WDFY4: variants seen among roughly 807,000 people sequenced by gnomAD.
WDFY4 encodes the protein WDFY family member 4, also known as WD repeat- and FYVE domain-containing protein 4.
A neutral mutation model predicts 351.9 loss-of-function variants in WDFY4; 169 were observed. The ratio of observed to expected loss-of-function variants is 0.48; its 90% CI spans 0.42 to 0.55. The LOEUF (loss-of-function observed/expected upper bound fraction) is 0.55. WDFY4 is among the 20% of genes least tolerant of loss of function. The pLI is 0.00. For synonymous variants in WDFY4, 1,622 were observed against 1,574.6 expected (o/e 1.03, Z -0.71); for missense variants, 3,803 against 3,935.6 (o/e 0.97, Z 0.90).
Position 48,807,865 on chromosome 10 carries a change from G to C in WDFY4, c.4745G>C (p.Ser1582Thr). The change falls in exon 28 of 62, where the codon AGC (serine) becomes ACC (threonine). Residue 1582 changes from serine (S) to threonine (T), a missense_variant. Ser to Thr is a moderately conservative substitution (Grantham distance 58). This residue lies in a region of WDFY4 where 3,054 missense variants were observed against 3,148.6 expected (regional missense o/e 0.97). Coordinates refer to ENST00000325239, the MANE Select transcript of WDFY4 (RefSeq NM_001394531.1). ...TCTGAATTCTTTTTTGTAGCTGGAA[G>C]CCAAACATCTGGAAAGACAATCTGG... ...GALDPSLPAG[S>T]QTSGKTIWLR... 6.4e-7 allele frequency: 1 copy of C among 1,551,512 alleles called. No individual in the cohort carries two copies. Among genetic ancestry groups the C allele is most frequent in the Non-Finnish European group, 8.7e-7 (1 of 1,146,942 alleles).
chr10:48,852,355 A>G (rs2068984255), intron 39 of WDFY4, among the ~76,000 whole-genome samples: 2 of 152,230 alleles, frequency 1.3e-5, no homozygotes, highest in Non-Finnish European at 2.9e-5. Context: ...AAATGATAGT[A>G]ATCATATAAA....
chr10:48,897,192 G>A (rs1168364601), intron 44 of WDFY4, among the ~76,000 whole-genome samples: 1 of 152,222 alleles, frequency 6.6e-6, no homozygotes, highest in East Asian at 1.9e-4. Context: ...GCCTGGTGAG[G>A]CTGGCACCCC....
intron 40 of WDFY4, among the ~76,000 whole-genome samples, chr10:48,869,923 G>T (rs564618866): frequency 6.6e-6 from 1 of 152,270 alleles, no homozygotes; most frequent in East Asian, 1.9e-4. Flanking sequence ...ACTCAACTCA[G>T]ACTGCCTTAG....
intron 1 of WDFY4, among the ~76,000 whole-genome samples, chr10:48,703,803 A>G (rs2063546234): frequency 6.6e-6 from 1 of 152,160 alleles, no homozygotes; most frequent in African/African-American, 2.4e-5. Flanking sequence ...GTTACCCTTC[A>G]TTGGGGCCGC....
intron 54 of WDFY4, among the ~76,000 whole-genome samples, chr10:48,965,582 G>T (rs1022143844): frequency 2.0e-5 from 3 of 152,158 alleles, no homozygotes; most frequent in Non-Finnish European, 4.4e-5. Context: ...CACCCCAGCT[G>T]CCCATCGAAC....
At chr10:48,704,556 A>G (rs1368039439) in intron 1 of WDFY4, among the ~76,000 whole-genome samples, 1 of 152,158 alleles carries the variant, frequency 6.6e-6, no homozygotes, top group Non-Finnish European at 1.5e-5. Flanking sequence ...CACCTGTCCA[A>G]GAACCTTTCC....
chr10:48,701,097 C>T (rs974036523), intron 1 of WDFY4, among the ~76,000 whole-genome samples: 6 of 152,202 alleles, frequency 3.9e-5, no homozygotes, highest in African/African-American at 1.4e-4. Flanking sequence ...ACCCCTCTCC[C>T]CAGTCTCTGG....
At chr10:48,955,632 C>A (rs969976724) in intron 51 of WDFY4, among the ~76,000 whole-genome samples, 1 of 152,256 alleles carries the variant, frequency 6.6e-6, no homozygotes, top group African/African-American at 2.4e-5. Flanking sequence ...TGAGGAGCCT[C>A]CTTTTTCTGG....
intron 12 of WDFY4, chr10:48,746,028 C>T (rs1003440954): frequency 3.6e-5 from 6 of 168,956 alleles, no homozygotes; most frequent in African/African-American, 1.2e-4. Flanking sequence ...TCTCGCAGCG[C>T]ACCACCACCT....
intron 2 of WDFY4, among the ~76,000 whole-genome samples, chr10:48,713,056 T>C (rs1222983841): frequency 6.6e-6 from 1 of 152,208 alleles, no homozygotes; most frequent in Non-Finnish European, 1.5e-5. Flanking sequence ...TCCAAAGCAA[T>C]GCACACAAGG....
chr10:48,880,199 G>A (rs2620877), intron 43 of WDFY4, among the ~76,000 whole-genome samples: 9,577 of 152,244 alleles, frequency 0.063, 663 homozygotes, highest in African/African-American at 0.18. Flanking sequence ...CCCTGGCTAG[G>A]CTGAAGTTTA....
Position 48,820,347 on chromosome 10 carries a change from G to C in WDFY4, c.5619G>C (p.Lys1873Asn), listed in dbSNP as rs757545015. The change falls in exon 33 of 62, where the codon AAG (lysine) becomes AAC (asparagine). Residue 1873 changes from lysine (K) to asparagine (N), a missense_variant. Physicochemically the swap from Lys to Asn is moderately conservative, Grantham distance 94. This residue lies in a region of WDFY4 where 3,054 missense variants were observed against 3,148.6 expected (regional missense o/e 0.97). Coordinates refer to ENST00000325239, the MANE Select transcript of WDFY4 (RefSeq NM_001394531.1). ...CCAAGGCACATCCCGCCCGGAGGAA[G>C]CTGAGGGAGTTCACGCAGCTCCTCT... ...APTKAHPARR[K>N]LREFTQLLLR... is the part of the protein sequence containing the mutation. 1 of 1,551,540 alleles carries C rather than the reference G, an allele frequency of 6.4e-7. No individual in the cohort carries two copies.
Position 48,725,809 on chromosome 10 carries a change from G to A in WDFY4, c.592-72G>A, listed in dbSNP as rs962273947. 5 of 1,412,138 alleles carry A rather than the reference G, an allele frequency of 3.5e-6. No homozygotes were observed. The African/African-American group carries it at 5.7e-5, about 16-fold the overall frequency. The allele number at this position is 1,412,138 out of a possible 1,614,324, so 87.5% of individuals were successfully genotyped here. A position where few individuals can be genotyped will look rare whatever the true frequency, so the allele number is the denominator to read the frequency against. ...TGCTCATCAGTGCTCCAGAGAAGTA[G>A]GGAACAAATCCATCTGAGGAAGGAG... On this transcript the variant is annotated intron_variant, in intron 5 of 61. Coordinates refer to ENST00000325239, the MANE Select transcript of WDFY4 (RefSeq NM_001394531.1).
At chr10:48,806,315 C>G (rs574739902) in intron 27 of WDFY4, among the ~76,000 whole-genome samples, 2 of 152,284 alleles carry the variant, frequency 1.3e-5, no homozygotes, top group South Asian at 2.1e-4. Flanking sequence ...GACTGGTGTT[C>G]CAGGCCTCCA....
chr10:48,949,467 T>A (rs1841213113), intron 51 of WDFY4, among the ~76,000 whole-genome samples: 1 of 152,190 alleles, frequency 6.6e-6, no homozygotes, highest in Non-Finnish European at 1.5e-5. Context: ...TATTCTGGCA[T>A]CTTCTTGAAG....
At position 48,718,143 on chromosome 10, in the gene WDFY4, G is replaced by A. The variant is rs116257480; in HGVS notation, c.235-1868G>A. ...GCACTTTATGGATCATTAATAATTT[G>A]TTATTTATTTTGTCTTACATAAATG... On this transcript the variant is annotated intron_variant, in intron 2 of 61. Transcript: ENST00000325239. Among the ~76,000 whole-genome samples, 1,061 of 152,122 alleles carry A rather than the reference G, an allele frequency of 7.0e-3. 11 individuals carry two copies. The highest frequency in any genetic ancestry group is 0.024 in the African/African-American group (1,015 of 41,502).
Position 48,731,264 on chromosome 10 carries a change from G to A in WDFY4, c.1284G>A (p.Gln428=), listed in dbSNP as rs1055574215. ...TCTTCCTGCTGGAGTGGACCCTGCA[G>A]CCCATCTCGCAGTTTGTAGAGATCA... ...RNFFLLEWTL[Q]PISQFVEIMP... is the part of the protein sequence containing the mutation. Residue 428 remains glutamine (Q), a synonymous_variant, in exon 9 of 62, where the codon CAG becomes CAA. Transcript: ENST00000325239. 2 of 1,551,958 alleles carry A rather than the reference G, an allele frequency of 1.3e-6. No individual in the cohort carries two copies. Among genetic ancestry groups the A allele is most frequent in the East Asian group, 2.4e-5 (1 of 40,920 alleles).
chr10:48,775,106 G>T (rs990279383), intron 14 of WDFY4, among the ~76,000 whole-genome samples: 6 of 152,226 alleles, frequency 3.9e-5, no homozygotes, highest in Non-Finnish European at 7.3e-5. Context: ...CCTCCAGGGG[G>T]CTTTCCTGCT....
intron 47 of WDFY4, among the ~76,000 whole-genome samples, chr10:48,919,470 CT>C (rs1589889168): frequency 6.6e-6 from 1 of 152,200 alleles, no homozygotes; most frequent in African/African-American, 2.4e-5. Context: ...AGAAGACTGT[CT>C]TGGTCCACTC....
Sources: gnomAD v4.1 joint callset for allele counts (sites outside exome capture counted in the v4.1 genomes callset) on GRCh38, gnomAD v4.1.1 for gene constraint, gnomAD v4.1.1 regional missense constraint, MANE v1.5 for transcripts, NCBI Gene and HGNC (gene_info 2026-07-23, HGNC 2026-07-21) for gene names.